ITPR1: variants seen among roughly 807,000 people sequenced by gnomAD.
ITPR1 encodes inositol 1,4,5-trisphosphate-gated calcium channel ITPR1.
In ITPR1, 96 loss-of-function variants were observed where a neutral mutation model predicts 318.4. That is an observed-to-expected ratio of 0.30 (90% CI 0.26 to 0.36). The LOEUF is 0.36. ITPR1 is among the 10% of genes least tolerant of loss of function. The pLI is 1.00. For missense variants in ITPR1, 2,440 were observed against 3,460.2 expected (o/e 0.71, Z 7.40); for synonymous variants, 1,312 against 1,289.9 (o/e 1.02, Z -0.37).
intron 4 of ITPR1, chr3:4,595,920 G>C (rs1264008679): frequency 6.6e-6 from 1 of 152,138 alleles, no homozygotes; most frequent in African/African-American, 2.4e-5. Flanking sequence ...TATGGTGACT[G>C]TATGTTTTTC....
intron 55 of ITPR1, 143 bp from the exon 56 acceptor site, chr3:4,811,122 G>T (rs904909577): frequency 2.2e-6 from 1 of 451,478 alleles, no homozygotes; most frequent in East Asian, 3.4e-5. Context: ...TGAAGCCAGG[G>T]AAGATGTTCA....
Position 4,674,219 on chromosome 3 carries a change from C to T in ITPR1, c.2474C>T (p.Ala825Val). ...CTTTTCAGCTATGATAGTAGTGGAG[C>T]TTCCAAAGATGAAATTAAGGAGAGA... ...IAIDDYDSSG[A>V]SKDEIKERFA... Residue 825 changes from alanine (A) to valine (V), a missense_variant, in exon 22 of 62, where the codon GCT becomes GTT. Ala to Val is a moderately conservative substitution (Grantham distance 64). Around this residue, in one of 23 missense-constraint regions of ITPR1, gnomAD observed 478 missense variants for 696.3 expected, o/e 0.69. Transcript: ENST00000649015. 1 of 1,551,932 alleles carries T rather than the reference C, an allele frequency of 6.4e-7. No homozygotes were observed. Among genetic ancestry groups the T allele is most frequent in the Non-Finnish European group, 8.7e-7 (1 of 1,147,486 alleles).
chr3:4,514,936 T>C (rs750252666), intron 2 of ITPR1, among the ~76,000 whole-genome samples: 3 of 152,250 alleles, frequency 2.0e-5, no homozygotes, highest in Non-Finnish European at 2.9e-5. Context: ...GACATGATTC[T>C]AGAGTGGTAC....
intron 20 of ITPR1, 144 bp from the exon 21 acceptor site, chr3:4,672,992 T>C (rs1322504672): frequency 2.5e-6 from 2 of 812,602 alleles, no homozygotes; most frequent in East Asian, 5.4e-5. Flanking sequence ...AATCCTGGTA[T>C]ACAAGAGCAA....
At chr3:4,684,838 G>C (rs531191882) in intron 29 of ITPR1, among the ~76,000 whole-genome samples, 71 of 152,332 alleles carry the variant, frequency 4.7e-4, no homozygotes, top group African/African-American at 1.7e-3. Context: ...CTCTGAAACT[G>C]TCCCACTTGT....
intron 59 of ITPR1, among the ~76,000 whole-genome samples, chr3:4,817,810 A>C (rs944723483): frequency 6.6e-5 from 10 of 152,232 alleles, no homozygotes; most frequent in Admixed American, 2.0e-4. Context: ...CGGTCTCCCC[A>C]TTCACTAACA....
chr3:4,679,508 A>T (rs1282255996), intron 24 of ITPR1, among the ~76,000 whole-genome samples: 1 of 152,212 alleles, frequency 6.6e-6, no homozygotes, highest in African/African-American at 2.4e-5. Context: ...TGAGTGTCCC[A>T]GCTCCAGAAC....
Position 4,669,760 on chromosome 3 carries a change from C to T in ITPR1, c.1993C>T (p.Leu665=), listed in dbSNP as rs1216180858. Residue 665 remains leucine (L), a synonymous_variant, in exon 19 of 62, where the codon CTG becomes TTG. Transcript: ENST00000649015. ...GCTGAACCCCACCAACGCTGACATC[C>T]TGATTGAGACCAAGTGAGTGGGGAG... ...AVLNPTNADI[L]IETKLVLSRF... The T allele has an allele frequency of 6.2e-7, 1 of 1,611,004 alleles. No individual in the cohort carries two copies. The highest frequency in any genetic ancestry group is 8.5e-7 in the Non-Finnish European group (1 of 1,178,232).
chr3:4,667,236 G>T, intron 17 of ITPR1, 141 bp from the exon 18 acceptor site: 1 of 535,588 alleles, frequency 1.9e-6, no homozygotes, highest in Non-Finnish European at 3.1e-6. Context: ...ATAGAAAGTT[G>T]TAGGAAGACC....
At chr3:4,804,868 A>C (rs1277556007) in intron 54 of ITPR1, among the ~76,000 whole-genome samples, 1 of 152,108 alleles carries the variant, frequency 6.6e-6, no homozygotes, top group Non-Finnish European at 1.5e-5. Context: ...ACACCGACCT[A>C]CCAGATTAAC....
Position 4,676,484 on chromosome 3 carries a change from A to G in ITPR1, c.2780-130A>G, listed in dbSNP as rs1031106586. The G allele has an allele frequency of 1.9e-4, 122 of 641,182 alleles. 1 individual carries two copies. In the South Asian group the frequency reaches 2.5e-3, roughly 13 times the overall value. The allele number at this position is 641,182 out of a possible 1,614,324, so 39.7% of individuals were successfully genotyped here. ...TGTGCATTTACCTTTCCAGGTTTCC[A>G]GGGTCCTGAGATTATGTTGGAATAG... On this transcript the variant is annotated intron_variant, in intron 23 of 61. Transcript: ENST00000649015.
At chr3:4,689,679 A>C (rs1379749403) in intron 31 of ITPR1, among the ~76,000 whole-genome samples, 1 of 152,222 alleles carries the variant, frequency 6.6e-6, no homozygotes, top group Non-Finnish European at 1.5e-5. Context: ...ACCTCACCCC[A>C]AATATAAAAC....
chr3:4,566,000 A>G (rs976557081), intron 4 of ITPR1, among the ~76,000 whole-genome samples: 1 of 152,210 alleles, frequency 6.6e-6, no homozygotes, highest in African/African-American at 2.4e-5. Flanking sequence ...AGTGAATCTG[A>G]GTGGCGTAAT....
chr3:4,517,763 C>T (rs959970698), intron 3 of ITPR1, among the ~76,000 whole-genome samples: 2 of 152,208 alleles, frequency 1.3e-5, no homozygotes, highest in African/African-American at 4.8e-5. Flanking sequence ...AGGCCTCCTT[C>T]TGCCCTGCCT....
At chr3:4,618,999 T>C (rs1199987184) in intron 4 of ITPR1, among the ~76,000 whole-genome samples, 1 of 152,256 alleles carries the variant, frequency 6.6e-6, no homozygotes, top group East Asian at 1.9e-4. Flanking sequence ...GACTTGACTT[T>C]ATTGTACTTT....
At chr3:4,584,490 G>GGA (rs879569745) in intron 4 of ITPR1, among the ~76,000 whole-genome samples, 22 of 151,888 alleles carry the variant, frequency 1.4e-4, no homozygotes, top group Admixed American at 3.3e-4. Flanking sequence ...GAAGCGGGGA[G>GGA]GAGAGGAGAG....
At chr3:4,814,321 T>C in intron 57 of ITPR1, 102 bp from the exon 58 acceptor site, 5 of 1,239,588 alleles carry the variant, frequency 4.0e-6, no homozygotes, top group Admixed American at 1.7e-5. Flanking sequence ...TTTTATTCTT[T>C]CGTGTGCCTG....
intron 5 of ITPR1, among the ~76,000 whole-genome samples, chr3:4,634,267 G>A (rs567322644): frequency 6.6e-6 from 1 of 151,652 alleles, no homozygotes; most frequent in Non-Finnish European, 1.5e-5. Context: ...ACGCTGGTGT[G>A]CAGTGACATG....
chr3:4,727,279 T>G, intron 42 of ITPR1, 106 bp downstream of exon 42: 2 of 779,800 alleles, frequency 2.6e-6, no homozygotes, highest in Non-Finnish European at 4.0e-6. Flanking sequence ...GTTGATATTG[T>G]TAAAGCATTA....
Sources: gnomAD v4.1 joint callset for allele counts (sites outside exome capture counted in the v4.1 genomes callset) on GRCh38, gnomAD v4.1.1 for gene constraint, gnomAD v4.1.1 regional missense constraint, MANE v1.5 for transcripts, NCBI Gene and HGNC (gene_info 2026-07-23, HGNC 2026-07-21) for gene names.